DENND1A: variants seen among roughly 807,000 people sequenced by gnomAD.
DENND1A encodes the protein DENN domain-containing protein 1A.
In DENND1A, 51 loss-of-function variants were observed where a neutral mutation model predicts 113.7. The observed-to-expected ratio is 0.45, with a 90% CI of 0.36 to 0.57. The LOEUF is 0.57. Ranked by LOEUF, DENND1A falls within the 20% of genes least tolerant of loss-of-function variation. DENND1A has a pLI of 0.00. For missense variants in DENND1A, 1,258 were observed against 1,395.9 expected, an observed-to-expected ratio of 0.90 and a Z score of 1.57; for synonymous variants, 565 against 570.8, an observed-to-expected ratio of 0.99 and a Z score of 0.14.
chr9:123,392,204 A>G (rs1481919681), intron 21 of DENND1A, among the ~76,000 whole-genome samples: 1 of 152,100 alleles, frequency 6.6e-6, no homozygotes, highest in African/African-American at 2.4e-5. Context: ...GCACCGGCTT[A>G]TTTTTTAATG....
intron 11 of DENND1A, among the ~76,000 whole-genome samples, chr9:123,599,129 A>G (rs2059830735): frequency 6.6e-6 from 1 of 152,226 alleles, no homozygotes; most frequent in South Asian, 2.1e-4. Flanking sequence ...CCCAAGCTTT[A>G]CCTGCAAAGG....
chr9:123,529,686 C>T (rs990690492), intron 13 of DENND1A, among the ~76,000 whole-genome samples: 1 of 152,214 alleles, frequency 6.6e-6, no homozygotes, highest in African/African-American at 2.4e-5. Context: ...ACTCTTGACA[C>T]TTCTCAGGTC....
chr9:123,567,063 T>C (rs940572469), intron 12 of DENND1A, among the ~76,000 whole-genome samples: 12 of 152,158 alleles, frequency 7.9e-5, no homozygotes, highest in Non-Finnish European at 1.6e-4. Flanking sequence ...AAAAGATTGC[T>C]TCTAACCAAA....
intron 21 of DENND1A, among the ~76,000 whole-genome samples, chr9:123,395,038 C>T (rs1564411575): frequency 6.6e-6 from 1 of 152,286 alleles, no homozygotes; most frequent in East Asian, 1.9e-4. Context: ...TTTTGGGGAG[C>T]AGGGAGCTTA....
At chr9:123,471,704 C>CT (rs1394415952) in intron 13 of DENND1A, among the ~76,000 whole-genome samples, 1 of 152,176 alleles carries the variant, frequency 6.6e-6, no homozygotes, top group Non-Finnish European at 1.5e-5. Context: ...GGAGCTGTGA[C>CT]TTGACCAAGG....
intron 2 of DENND1A, among the ~76,000 whole-genome samples, chr9:123,836,235 G>C (rs1031327935): frequency 6.6e-6 from 1 of 152,058 alleles, no homozygotes; most frequent in Non-Finnish European, 1.5e-5. Flanking sequence ...GTCTCCAAAG[G>C]TTTCACGACA....
At chr9:123,465,801 A>G (rs1344242487) in intron 13 of DENND1A, among the ~76,000 whole-genome samples, 2 of 152,228 alleles carry the variant, frequency 1.3e-5, no homozygotes, top group African/African-American at 2.4e-5. Context: ...ATGTCATTAT[A>G]AGAAAAAATA....
chr9:123,493,598 T>C (rs1252467774), intron 13 of DENND1A, among the ~76,000 whole-genome samples: 2 of 151,864 alleles, frequency 1.3e-5, no homozygotes, highest in African/African-American at 4.8e-5. Flanking sequence ...TTACAGGGAG[T>C]CCCTGCCCTA....
chr9:123,515,895 T>C (rs146704441), intron 13 of DENND1A, among the ~76,000 whole-genome samples: 1 of 152,070 alleles, frequency 6.6e-6, no homozygotes, highest in East Asian at 1.9e-4. Flanking sequence ...GGGGAAACCC[T>C]GTCTTTACAA....
intron 5 of DENND1A, among the ~76,000 whole-genome samples, chr9:123,741,994 A>T (rs1300920645): frequency 6.6e-6 from 1 of 152,214 alleles, no homozygotes; most frequent in Middle Eastern, 3.2e-3. Context: ...GACGTGTCCA[A>T]TTCAGGCCAG....
chr9:123,827,038 C>A (rs1839433480), intron 2 of DENND1A, among the ~76,000 whole-genome samples: 2 of 151,982 alleles, frequency 1.3e-5, no homozygotes, highest in South Asian at 4.1e-4. Flanking sequence ...TAAAAAAAAT[C>A]AAAGCTTGTA....
intron 1 of DENND1A, among the ~76,000 whole-genome samples, chr9:123,897,998 C>A (rs901247000): frequency 7.9e-5 from 12 of 151,264 alleles, no homozygotes; most frequent in Non-Finnish European, 1.8e-4. Flanking sequence ...TACATACATC[C>A]TAGTCAACAA....
intron 5 of DENND1A, among the ~76,000 whole-genome samples, chr9:123,700,322 T>A (rs192540733): frequency 6.3e-4 from 96 of 152,266 alleles, no homozygotes; most frequent in African/African-American, 2.3e-3. Flanking sequence ...ACTCTATAGA[T>A]CAATTTGGGG....
chr9:123,495,900 C>A (rs1294501602), intron 13 of DENND1A, among the ~76,000 whole-genome samples: 1 of 152,338 alleles, frequency 6.6e-6, no homozygotes, highest in East Asian at 1.9e-4. Flanking sequence ...TCAGAGAGGA[C>A]CCGACAGCAG....
chr9:123,681,221 C>T (rs2064431880), intron 5 of DENND1A, among the ~76,000 whole-genome samples: 1 of 150,908 alleles, frequency 6.6e-6, no homozygotes, highest in African/African-American at 2.4e-5. Context: ...GAGGGCCTGA[C>T]CAGCAATGGT....
At chr9:123,704,453 A>G (rs1464308397) in intron 5 of DENND1A, among the ~76,000 whole-genome samples, 1 of 152,234 alleles carries the variant, frequency 6.6e-6, no homozygotes, top group Admixed American at 6.5e-5. Flanking sequence ...CGTCTAACTA[A>G]AAGTATGCTT....
At chr9:123,476,992 T>C (rs1417943051) in intron 13 of DENND1A, among the ~76,000 whole-genome samples, 1 of 152,122 alleles carries the variant, frequency 6.6e-6, no homozygotes, top group Admixed American at 6.5e-5. Flanking sequence ...AGGTGGTCAA[T>C]ATGTCAATGA....
intron 13 of DENND1A, among the ~76,000 whole-genome samples, chr9:123,473,742 C>T (rs2049643497): frequency 6.6e-6 from 1 of 152,138 alleles, no homozygotes; most frequent in African/African-American, 2.4e-5. Context: ...TGAGGGGGTC[C>T]TCCAGGGCCA....
intron 13 of DENND1A, among the ~76,000 whole-genome samples, chr9:123,529,646 A>G (rs74731856): frequency 0.03 from 4,524 of 152,344 alleles, 116 homozygotes; most frequent in East Asian, 0.064. Flanking sequence ...GAAACAAGTT[A>G]GAATGAAAAT....
Sources: gnomAD v4.1 joint callset for allele counts (sites outside exome capture counted in the v4.1 genomes callset) on GRCh38, gnomAD v4.1.1 for gene constraint, MANE v1.5 for transcripts, NCBI Gene and HGNC (gene_info 2026-07-23, HGNC 2026-07-21) for gene names.